CLPB: variants seen among roughly 807,000 people sequenced by gnomAD.
CLPB encodes mitochondrial disaggregase.
Under a neutral mutation model 78.4 loss-of-function variants are expected in CLPB, and 40 were observed. The observed-to-expected ratio is 0.51, with a 90% CI of 0.40 to 0.66. The LOEUF (loss-of-function observed/expected upper bound fraction) is 0.66, where lower values mean the gene tolerates loss of function less well. Among genes scored for constraint, CLPB ranks in the 30% least tolerant of loss-of-function variants. The pLI is 0.00. For synonymous variants in CLPB, 333 were observed against 348.0 expected (o/e 0.96, Z 0.48); for missense variants, 780 against 886.9 (o/e 0.88, Z 1.53).
At chr11:72,332,470 C>T (rs1378126038) in intron 5 of CLPB, among the ~76,000 whole-genome samples, 2 of 151,264 alleles carry the variant, frequency 1.3e-5, no homozygotes, top group African/African-American at 4.9e-5. Flanking sequence ...GTCTGGGCAA[C>T]AGAGCAAGGC....
chr11:72,364,499 G>A (rs766117187), intron 4 of CLPB, among the ~76,000 whole-genome samples: 3 of 151,576 alleles, frequency 2.0e-5, no homozygotes, highest in Admixed American at 6.6e-5. Context: ...GAGTCACTGC[G>A]CCCGGCCAAA....
At chr11:72,361,294 G>A (rs1024090606) in intron 4 of CLPB, among the ~76,000 whole-genome samples, 8 of 152,188 alleles carry the variant, frequency 5.3e-5, no homozygotes, top group Admixed American at 5.2e-4. Flanking sequence ...CCCCAGGAGT[G>A]TTATCTGACC....
intron 4 of CLPB, chr11:72,372,819 G>T: frequency 2.0e-6 from 2 of 999,072 alleles, no homozygotes; most frequent in South Asian, 2.7e-5. Context: ...GCACACAGTG[G>T]GTGCTGGGTA....
At chr11:72,333,867 C>T (rs923774346) in intron 5 of CLPB, among the ~76,000 whole-genome samples, 4 of 152,076 alleles carry the variant, frequency 2.6e-5, no homozygotes, top group East Asian at 1.9e-4. Flanking sequence ...TAAACCACAA[C>T]GGAGGCAGAA....
In CLPB at chr11:72,351,176, C is replaced by T. The variant is rs1456919403; in HGVS notation, c.775+7704G>A. On this transcript the variant is annotated intron_variant, in intron 5 of 15. Transcript: ENST00000538039. ...GGAAAAAAGTGATGTTAGAGAAGGG[C>T]CATGTTAGAGAAGGGTGAGATGTGG... Among the ~76,000 whole-genome samples the T allele has an allele frequency of 1.2e-4, 19 of 152,142 alleles. No individual in the cohort carries two copies. In the East Asian group the frequency reaches 3.7e-3, roughly 29 times the overall value.
At chr11:72,358,835 T>A in intron 5 of CLPB, 45 bp downstream of exon 5, 3 of 35,108 alleles carry the variant, frequency 8.5e-5, no homozygotes, top group Non-Finnish European at 1.6e-4. Flanking sequence ...ACCCCACCCC[T>A]CTTCCACTTC....
chr11:72,400,740 G>A (rs1231750166), intron 3 of CLPB, among the ~76,000 whole-genome samples: 1 of 152,172 alleles, frequency 6.6e-6, no homozygotes, highest in Non-Finnish European at 1.5e-5. Context: ...GGGCATCAGG[G>A]ACTAACAACC....
At chr11:72,391,243 G>A (rs1195977659) in intron 3 of CLPB, among the ~76,000 whole-genome samples, 2 of 152,112 alleles carry the variant, frequency 1.3e-5, no homozygotes, top group Admixed American at 6.5e-5. Flanking sequence ...GCCACCTGCT[G>A]TCCCCTCCTT....
intron 6 of CLPB, among the ~76,000 whole-genome samples, chr11:72,322,755 A>AT (rs954888940): frequency 6.6e-6 from 1 of 151,782 alleles, no homozygotes; most frequent in Admixed American, 6.6e-5. Context: ...TTTCTTCACT[A>AT]TTTTTTTTCC....
chr11:72,408,393 T>A (rs955610506), intron 2 of CLPB, among the ~76,000 whole-genome samples: 3 of 151,770 alleles, frequency 2.0e-5, no homozygotes, highest in Non-Finnish European at 4.4e-5. Context: ...CCGGGCTGGG[T>A]GCGGTGGCTC....
chr11:72,415,506 G>T (rs1045508215), intron 2 of CLPB, among the ~76,000 whole-genome samples: 2 of 152,168 alleles, frequency 1.3e-5, no homozygotes, highest in African/African-American at 4.8e-5. Flanking sequence ...CCTTCTAGTC[G>T]CATGCTGAGA....
chr11:72,400,036 C>T (rs925004976), intron 3 of CLPB, among the ~76,000 whole-genome samples: 5 of 152,148 alleles, frequency 3.3e-5, no homozygotes, highest in Admixed American at 2.6e-4. Flanking sequence ...CTTTTTCCCA[C>T]GGCACTTATC....
At chr11:72,409,350 G>A (rs576090368) in intron 2 of CLPB, among the ~76,000 whole-genome samples, 96 of 152,170 alleles carry the variant, frequency 6.3e-4, no homozygotes, top group Non-Finnish European at 7.6e-4. Context: ...TTGAGAGGCC[G>A]AGGTGAACAG....
rs1949533740 is a variant in CLPB at position 72,295,481 on chromosome 11, A to C, written c.1486+11T>G. 1.2e-6 allele frequency: 2 copies of C among 1,613,212 alleles called. No individual in the cohort carries two copies. Among genetic ancestry groups the C allele is most frequent in the Non-Finnish European group, 8.5e-7 (1 of 1,179,362 alleles). ...GTCACTGGACCAGACTGCTCAGGTC[A>C]GCCGCCATACCCAGGTTTTCGGCAA... On this transcript the variant is annotated intron_variant, in intron 12 of 15. Transcript: ENST00000538039.
At position 72,395,808 on chromosome 11, in the gene CLPB, C is replaced by T. The variant is rs76917997; in HGVS notation, c.542+7158G>A. The stretch of plus-strand genomic sequence containing the variant: ...GGACCTACTTTCAAGCACAGGTACA[C>T]TGGTACTCTACCTGCTCCACGTATA... On this transcript the variant is annotated intron_variant, in intron 3 of 15. Coordinates refer to ENST00000538039, the MANE Select transcript of CLPB (RefSeq NM_001258392.3). Among the ~76,000 whole-genome samples the T allele has an allele frequency of 2.6e-3, 391 of 152,318 alleles. 1 individual carries two copies. Among genetic ancestry groups the T allele is most frequent in the African/African-American group, 8.9e-3 (372 of 41,572 alleles).
At chr11:72,329,358 T>C (rs1435349972) in intron 6 of CLPB, among the ~76,000 whole-genome samples, 1 of 152,138 alleles carries the variant, frequency 6.6e-6, no homozygotes, top group Non-Finnish European at 1.5e-5. Context: ...AAATCTTTGC[T>C]TGGGCTAAGG....
Position 72,286,352 on chromosome 11 carries a change from C to T in CLPB, c.*7015G>A, listed in dbSNP as rs562918703. The T allele has an allele frequency of 1.3e-5, 2 of 151,154 alleles. No individual in the cohort carries two copies. Among genetic ancestry groups the T allele is most frequent in the East Asian group, 1.9e-4 (1 of 5,152 alleles). 9.4% of individuals were successfully genotyped at this position (151,154 alleles called of 1,614,324 possible). A position where few individuals can be genotyped will look rare whatever the true frequency, so the allele number is the denominator to read the frequency against. Reference sequence around the variant, plus strand: ...CTCAAGGAATCTTCCACCTCAGCCTCGAGTAGCTGGGTATACAGGCATGCA... The same window carrying T: ...CTCAAGGAATCTTCCACCTCAGCCTTGAGTAGCTGGGTATACAGGCATGCA... On this transcript the variant is annotated 3_prime_UTR_variant, in exon 16 of 16. Transcript: ENST00000538039.
At chr11:72,327,286 A>AG (rs1950149058) in intron 6 of CLPB, among the ~76,000 whole-genome samples, 1 of 152,218 alleles carries the variant, frequency 6.6e-6, no homozygotes, top group South Asian at 2.1e-4. Context: ...TCTTCTGGCC[A>AG]GATGCCCTAT....
chr11:72,430,408 C>T, intron 1 of CLPB, 45 bp from the exon 2 acceptor site: 1 of 1,594,874 alleles, frequency 6.3e-7, no homozygotes, highest in Non-Finnish European at 8.6e-7. Context: ...CCAGGACATA[C>T]CCATCTCAGG....
Sources: gnomAD v4.1 joint callset for allele counts (sites outside exome capture counted in the v4.1 genomes callset) on GRCh38, gnomAD v4.1.1 for gene constraint, MANE v1.5 for transcripts, NCBI Gene and HGNC (gene_info 2026-07-23, HGNC 2026-07-21) for gene names.